The following FBXW7 variants were observed in gnomAD, a reference collection of about 807,000 sequenced individuals.
FBXW7 encodes F-box/WD repeat-containing protein 7.
A neutral mutation model predicts 86.3 loss-of-function variants in FBXW7; 11 were observed. The ratio of observed to expected loss-of-function variants is 0.13; its 90% CI spans 0.08 to 0.21. The LOEUF is 0.21. FBXW7 is among the 10% of genes least tolerant of loss of function. FBXW7 has a pLI of 1.00. For missense variants in FBXW7, 488 were observed against 847.4 expected, an observed-to-expected ratio of 0.58 and a Z score of 5.27; for synonymous variants, 313 against 297.9, an observed-to-expected ratio of 1.05 and a Z score of -0.52.
chr4:152,452,740 A>G (rs1742020787), intron 2 of FBXW7, among the ~76,000 whole-genome samples: 1 of 152,252 alleles, frequency 6.6e-6, no homozygotes, highest in Non-Finnish European at 1.5e-5. Context: ...TGTACAAACC[A>G]CTAGTTTTAA....
chr4:152,416,663 C>T (rs1439700470), intron 2 of FBXW7, among the ~76,000 whole-genome samples: 2 of 152,106 alleles, frequency 1.3e-5, no homozygotes, highest in African/African-American at 4.8e-5. Context: ...GCAATACTGG[C>T]AAGTGTCATC....
At chr4:152,516,527 T>G (rs1282649964) in intron 2 of FBXW7, among the ~76,000 whole-genome samples, 1 of 152,232 alleles carries the variant, frequency 6.6e-6, no homozygotes, top group Admixed American at 6.5e-5. Context: ...GGACTGCTTC[T>G]GTAGAGCGAT....
At chr4:152,392,168 G>A (rs1474251131) in intron 4 of FBXW7, among the ~76,000 whole-genome samples, 2 of 152,134 alleles carry the variant, frequency 1.3e-5, no homozygotes, top group Non-Finnish European at 2.9e-5. Flanking sequence ...CATCTTGCAT[G>A]CTCTTCTTGC....
intron 2 of FBXW7, among the ~76,000 whole-genome samples, chr4:152,534,079 A>C (rs1750249316): frequency 6.6e-6 from 1 of 152,226 alleles, no homozygotes; most frequent in Non-Finnish European, 1.5e-5. Flanking sequence ...TGGTACTCTG[A>C]CAAGATACCT....
chr4:152,448,540 C>T (rs927327162), intron 2 of FBXW7, among the ~76,000 whole-genome samples: 3 of 152,132 alleles, frequency 2.0e-5, no homozygotes, highest in South Asian at 2.1e-4. Flanking sequence ...GCAGGTCGAA[C>T]GGCTCAACCT....
At chr4:152,343,452 C>G (rs925359285) in intron 6 of FBXW7, among the ~76,000 whole-genome samples, 1 of 152,006 alleles carries the variant, frequency 6.6e-6, no homozygotes, top group Admixed American at 6.6e-5. Context: ...GTTTTTTCCC[C>G]TTTGACAACT....
At chr4:152,477,117 G>C (rs1460986880) in intron 2 of FBXW7, among the ~76,000 whole-genome samples, 16 of 151,300 alleles carry the variant, frequency 1.1e-4, no homozygotes. Context: ...CTAATAAACT[G>C]TCCTTCAACT....
chr4:152,327,789 C>T (rs1215484573), intron 11 of FBXW7, among the ~76,000 whole-genome samples: 1 of 151,866 alleles, frequency 6.6e-6, no homozygotes, highest in Non-Finnish European at 1.5e-5. Flanking sequence ...TTTGCCTAGA[C>T]TTAGAGATAG....
chr4:152,506,496 CAT>C (rs1192348499), intron 2 of FBXW7, among the ~76,000 whole-genome samples: 1 of 152,216 alleles, frequency 6.6e-6, no homozygotes, highest in Non-Finnish European at 1.5e-5. Flanking sequence ...ACCACAAACA[CAT>C]GAGTAAGGTA....
intron 9 of FBXW7, among the ~76,000 whole-genome samples, chr4:152,330,007 A>T (rs1033529588): frequency 6.6e-6 from 1 of 151,910 alleles, no homozygotes; most frequent in African/African-American, 2.4e-5. Flanking sequence ...CAACTATTAA[A>T]GTTTTACTGC....
intron 2 of FBXW7, among the ~76,000 whole-genome samples, chr4:152,522,320 G>A (rs1749100293): frequency 6.6e-6 from 1 of 152,016 alleles, no homozygotes; most frequent in Non-Finnish European, 1.5e-5. Flanking sequence ...AAAAGTGTAA[G>A]GACTTTTAGA....
At chr4:152,357,060 GTAAAA>G (rs1732452156) in intron 4 of FBXW7, among the ~76,000 whole-genome samples, 1 of 152,092 alleles carries the variant, frequency 6.6e-6, no homozygotes, top group African/African-American at 2.4e-5. Context: ...TTGAGAACAT[GTAAAA>G]TAAAACAAGA....
At chr4:152,353,524 T>A (rs539375368) in intron 4 of FBXW7, among the ~76,000 whole-genome samples, 1 of 152,274 alleles carries the variant, frequency 6.6e-6, no homozygotes, top group East Asian at 1.9e-4. Context: ...AACAAACTAG[T>A]ACTACCTAAG....
At chr4:152,442,806 G>T (rs1441357785) in intron 2 of FBXW7, among the ~76,000 whole-genome samples, 1 of 152,168 alleles carries the variant, frequency 6.6e-6, no homozygotes, top group East Asian at 1.9e-4. Context: ...TCAGGGATAA[G>T]AACATGGGTC....
chr4:152,409,243 T>C (rs375137729), intron 4 of FBXW7, among the ~76,000 whole-genome samples: 15 of 152,324 alleles, frequency 9.8e-5, no homozygotes, highest in Middle Eastern at 3.4e-3. Flanking sequence ...GCTAATCCTA[T>C]GTTAACATTT....
chr4:152,414,443 C>G (rs1324193876), intron 2 of FBXW7, among the ~76,000 whole-genome samples: 1 of 152,038 alleles, frequency 6.6e-6, no homozygotes, highest in African/African-American at 2.4e-5. Flanking sequence ...TGTCAGGTGG[C>G]TCAAACTTTG....
intron 7 of FBXW7, 197 bp from the exon 8 acceptor site, chr4:152,332,916 T>C (rs1033774367): frequency 1.7e-5 from 3 of 177,760 alleles, no homozygotes; most frequent in Non-Finnish European, 3.4e-5. Context: ...TTATGGTTTT[T>C]ATGAACTTCA....
intron 4 of FBXW7, among the ~76,000 whole-genome samples, chr4:152,386,871 C>G (rs1202432941): frequency 1.3e-5 from 2 of 152,116 alleles, no homozygotes; most frequent in African/African-American, 2.4e-5. Context: ...TAAAATATCA[C>G]CAATACGGTA....
At chr4:152,363,691 G>C (rs1301203872) in intron 4 of FBXW7, among the ~76,000 whole-genome samples, 1 of 152,100 alleles carries the variant, frequency 6.6e-6, no homozygotes, top group Non-Finnish European at 1.5e-5. Context: ...ATGTATACAG[G>C]GAAGGAAACT....
Sources: gnomAD v4.1 joint callset for allele counts (sites outside exome capture counted in the v4.1 genomes callset) on GRCh38, gnomAD v4.1.1 for gene constraint, MANE v1.5 for transcripts, NCBI Gene and HGNC (gene_info 2026-07-23, HGNC 2026-07-21) for gene names.